The following HS6ST2 variants were observed in gnomAD, a reference collection of about 807,000 sequenced individuals.
HS6ST2 encodes heparan sulfate 6-O-sulfotransferase 2.
A neutral mutation model predicts 33.0 loss-of-function variants in HS6ST2; 17 were observed. That is an observed-to-expected ratio of 0.52 (90% CI 0.35 to 0.77). The LOEUF is 0.77. HS6ST2 is among the 30% of genes least tolerant of loss of function. The probability of loss-of-function intolerance (pLI) is 0.01; values close to 1 mark genes in which losing one functional copy is unlikely to be tolerated. For synonymous variants in HS6ST2, 248 were observed against 237.1 expected (o/e 1.05, Z -0.42); for missense variants, 519 against 551.7 (o/e 0.94, Z 0.59).
At chrX:132,807,836 G>T (rs1346920009) in intron 2 of HS6ST2, among the ~76,000 whole-genome samples, 1 of 112,036 alleles carries the variant, frequency 8.9e-6, no homozygotes, top group South Asian at 3.7e-4. Flanking sequence ...GCTCCTAGGA[G>T]GGTCATGTCA....
Position 132,722,671 on chromosome X carries a change from G to A in HS6ST2, c.948-14177C>T, listed in dbSNP as rs2064344838. 3.6e-5 allele frequency among the ~76,000 whole-genome samples: 4 copies of A among 111,060 alleles called. No homozygotes were observed. In the South Asian group the frequency reaches 1.5e-3, roughly 42 times the overall value. On this transcript the variant is annotated intron_variant, in intron 2 of 4. Coordinates refer to ENST00000370833, the MANE Select transcript of HS6ST2 (RefSeq NM_001394073.1). ...ATGCCAGATATACATAGTAGAAAAA[G>A]ACCACAAATATTTTTGAATACATGA...
chrX:132,776,276 T>C (rs1202749591), intron 2 of HS6ST2, among the ~76,000 whole-genome samples: 1 of 112,178 alleles, frequency 8.9e-6, no homozygotes, highest in Non-Finnish European at 1.9e-5. Flanking sequence ...GTCTGAAGAA[T>C]ATGGATTTTA....
At chrX:132,946,319 A>T (rs2066955408) in intron 2 of HS6ST2, among the ~76,000 whole-genome samples, 1 of 112,180 alleles carries the variant, frequency 8.9e-6, no homozygotes, top group Non-Finnish European at 1.9e-5. Context: ...AGACACATGC[A>T]CACATTTATT....
chrX:132,937,202 CA>C (rs2148491551), intron 2 of HS6ST2, among the ~76,000 whole-genome samples: 1 of 111,331 alleles, frequency 9.0e-6, no homozygotes, highest in East Asian at 2.8e-4. Context: ...GAAGAAGACA[CA>C]AAAAAGGAAA....
chrX:132,769,930 T>C (rs1278066935), intron 2 of HS6ST2, among the ~76,000 whole-genome samples: 1 of 112,190 alleles, frequency 8.9e-6, no homozygotes, highest in Non-Finnish European at 1.9e-5. Context: ...CATTTATGTT[T>C]GGTACAACTC....
Position 132,828,718 on chromosome X carries a change from A to G in HS6ST2, c.948-120224T>C, listed in dbSNP as rs1473404257. ...TACACACACACACACACACACACAC[A>G]CACACACACACACACACACATACAC... is the stretch of plus-strand genomic sequence containing the variant. On this transcript the variant is annotated intron_variant, in intron 2 of 4. Coordinates refer to ENST00000370833, the MANE Select transcript of HS6ST2 (RefSeq NM_001394073.1). 8.2e-4 allele frequency among the ~76,000 whole-genome samples: 73 copies of G among 88,565 alleles called. 3 individuals carry two copies. Among genetic ancestry groups the G allele is most frequent in the African/African-American group, 1.9e-3 (43 of 22,933 alleles). The allele number at this position is 88,565 out of a possible 115,157, so 76.9% of individuals were successfully genotyped here.
At chrX:132,890,306 A>G (rs180784048) in intron 2 of HS6ST2, among the ~76,000 whole-genome samples, 12 of 109,581 alleles carry the variant, frequency 1.1e-4, no homozygotes, top group African/African-American at 4.0e-4. Flanking sequence ...AAGTGGAATA[A>G]TTGGGATTTG....
intron 2 of HS6ST2, among the ~76,000 whole-genome samples, chrX:132,883,066 G>A (rs113047818): frequency 2.5e-4 from 23 of 92,258 alleles, no homozygotes; most frequent in Non-Finnish European, 2.4e-4. Context: ...ATGTTCATCA[G>A]GGATATTGGT....
chrX:132,837,970 G>T (rs1395615963), intron 2 of HS6ST2, among the ~76,000 whole-genome samples: 2 of 112,189 alleles, frequency 1.8e-5, no homozygotes, highest in Admixed American at 1.9e-4. Context: ...AAAAGCACAG[G>T]TTTCTTTATG....
intron 2 of HS6ST2, among the ~76,000 whole-genome samples, chrX:132,939,246 T>C (rs1312425090): frequency 9.0e-6 from 1 of 111,470 alleles, no homozygotes; most frequent in Admixed American, 9.7e-5. Flanking sequence ...ATCATTTGTA[T>C]ACAGAAAATC....
intron 4 of HS6ST2, among the ~76,000 whole-genome samples, chrX:132,664,804 G>A (rs1037471577): frequency 8.9e-6 from 1 of 111,947 alleles, no homozygotes. Flanking sequence ...AGGAGTGATC[G>A]AGTTCCATCA....
Position 132,802,839 on chromosome X carries a change from G to T in HS6ST2, c.948-94345C>A, listed in dbSNP as rs1207605397. On this transcript the variant is annotated intron_variant, in intron 2 of 4. Transcript: ENST00000370833. ...CAGGTCTGAAGAAAGCCTGGTGAAG[G>T]AGAGGAGATCAAGCAGAAGGGGGAA... Among the ~76,000 whole-genome samples the T allele has an allele frequency of 2.8e-5, 3 of 108,913 alleles. No individual in the cohort carries two copies. In the East Asian group the frequency reaches 8.7e-4, roughly 32 times the overall value. 94.6% of individuals were successfully genotyped at this position (108,913 alleles called of 115,157 possible). A position where few individuals can be genotyped will look rare whatever the true frequency, so the allele number is the denominator to read the frequency against.
chrX:132,808,312 G>C (rs757859103), intron 2 of HS6ST2, among the ~76,000 whole-genome samples: 7 of 111,956 alleles, frequency 6.3e-5, no homozygotes, highest in Middle Eastern at 4.6e-3. Context: ...TGTCCAATTT[G>C]TTTTGATATT....
chrX:132,880,134 T>TA (rs2066150990), intron 2 of HS6ST2, among the ~76,000 whole-genome samples: 1 of 111,993 alleles, frequency 8.9e-6, no homozygotes, highest in South Asian at 3.7e-4. Context: ...CCACAAATGT[T>TA]AAAAAACTTT....
intron 2 of HS6ST2, among the ~76,000 whole-genome samples, chrX:132,934,375 C>CCTTCTTTA (rs1242267282): frequency 8.9e-6 from 1 of 111,787 alleles, no homozygotes; most frequent in Non-Finnish European, 1.9e-5. Context: ...ACTTCTCTTA[C>CCTTCTTTA]CTTCTTTAGA....
At chrX:132,753,411 T>A (rs765672081) in intron 2 of HS6ST2, among the ~76,000 whole-genome samples, 1 of 111,413 alleles carries the variant, frequency 9.0e-6, no homozygotes, top group Admixed American at 9.5e-5. Context: ...CATGTCAACA[T>A]GGGGAGAGGT....
At chrX:132,738,400 G>T (rs991735034) in intron 2 of HS6ST2, among the ~76,000 whole-genome samples, 2 of 112,408 alleles carry the variant, frequency 1.8e-5, no homozygotes, top group African/African-American at 6.5e-5. Context: ...CAGTGGAAGT[G>T]TACAAATGCT....
At chrX:132,899,599 A>G (rs898245811) in intron 2 of HS6ST2, among the ~76,000 whole-genome samples, 2 of 111,740 alleles carry the variant, frequency 1.8e-5, no homozygotes, top group African/African-American at 6.5e-5. Context: ...TGAAATACAT[A>G]GAGAAAAAAG....
intron 2 of HS6ST2, among the ~76,000 whole-genome samples, chrX:132,905,446 A>G (rs758148349): frequency 1.8e-5 from 2 of 112,434 alleles, no homozygotes; most frequent in Admixed American, 9.4e-5. Context: ...ATTTTTCCAC[A>G]CATGGCTGTC....
Sources: gnomAD v4.1 joint callset for allele counts (sites outside exome capture counted in the v4.1 genomes callset) on GRCh38, gnomAD v4.1.1 for gene constraint, MANE v1.5 for transcripts, NCBI Gene and HGNC (gene_info 2026-07-23, HGNC 2026-07-21) for gene names.